The following RSPH9 variants were observed in gnomAD, a reference collection of about 807,000 sequenced individuals.
RSPH9 encodes radial spoke head component 9.
Under a neutral mutation model 27.0 loss-of-function variants are expected in RSPH9, and 27 were observed. The ratio of observed to expected loss-of-function variants is 1.00; its 90% CI spans 0.74 to 1.38. RSPH9 has a LOEUF of 1.38. Ranked by LOEUF, RSPH9 falls within the 40% of genes most tolerant of loss-of-function variation. RSPH9 has a pLI of 0.00. For synonymous variants in RSPH9, 145 were observed against 147.7 expected, an observed-to-expected ratio of 0.98 and a Z score of 0.13; for missense variants, 347 against 357.4, an observed-to-expected ratio of 0.97 and a Z score of 0.24.
Position 43,671,686 on chromosome 6 carries a change from G to C in RSPH9, c.*737G>C. The C allele has an allele frequency of 6.4e-7, 1 of 1,563,876 alleles. No individual in the cohort carries two copies. The highest frequency in any genetic ancestry group is 8.8e-7 in the Non-Finnish European group (1 of 1,137,560). On this transcript the variant is annotated 3_prime_UTR_variant, in exon 5 of 5. Transcript: ENST00000372163. ...GGTGGGGTGGGACAGGAGTATAGTT[G>C]TGGCCAAGGGCTTGTGAGTGGGCCT...
At chr6:43,664,026 C>T (rs569049024) in intron 4 of RSPH9, among the ~76,000 whole-genome samples, 42 of 127,554 alleles carry the variant, frequency 3.3e-4, no homozygotes, top group African/African-American at 1.0e-3. Flanking sequence ...GAGAATGTCT[C>T]GAAAAAAAAA....
intron 4 of RSPH9, among the ~76,000 whole-genome samples, chr6:43,670,417 C>T (rs1322918918): frequency 6.6e-6 from 1 of 152,080 alleles, no homozygotes; most frequent in Admixed American, 6.6e-5. Flanking sequence ...GCCTGGGCAA[C>T]ACAGTGAGGC....
chr6:43,656,036 CCCCTTCTTT>C (rs142138360), intron 3 of RSPH9, among the ~76,000 whole-genome samples: 4,103 of 101,462 alleles, frequency 0.04, 220 homozygotes, highest in African/African-American at 0.15. Flanking sequence ...TTCCTTCCTT[CCCCTTCTTT>C]CCCTTCTTTC....
intron 4 of RSPH9, 144 bp from the exon 5 acceptor site, chr6:43,670,645 A>C: frequency 1.5e-6 from 1 of 651,628 alleles, no homozygotes; most frequent in South Asian, 1.8e-5. Context: ...CAGGGAGTAA[A>C]GCATCTGGAG....
Position 43,654,504 on chromosome 6 carries a change from A to G in RSPH9, c.394-1058A>G, listed in dbSNP as rs138081402. Among the ~76,000 whole-genome samples the G allele has an allele frequency of 5.9e-3, 903 of 152,204 alleles. 10 individuals carry two copies. The highest frequency in any genetic ancestry group is 0.02 in the African/African-American group (842 of 41,524). On this transcript the variant is annotated intron_variant, in intron 2 of 4. Coordinates refer to ENST00000372163, the MANE Select transcript of RSPH9 (RefSeq NM_152732.5). ...GGAGTTGGAGATCAGCCTGGGCAAC[A>G]TGGAGAAACCCCATCTCTACCAAAA...
rs770367012 is a variant in RSPH9 at position 43,672,318 on chromosome 6, G to A, written c.*1369G>A. 1 of 462,546 alleles carries A rather than the reference G, an allele frequency of 2.2e-6. No homozygotes were observed. The highest frequency in any genetic ancestry group is 1.6e-5 in the South Asian group (1 of 63,946). 28.7% of individuals were successfully genotyped at this position (462,546 alleles called of 1,614,324 possible). On this transcript the variant is annotated 3_prime_UTR_variant, in exon 5 of 5. Coordinates refer to ENST00000372163, the MANE Select transcript of RSPH9 (RefSeq NM_152732.5). ...TGCTCTTCCCCATTTGGCTCACTCA[G>A]CTACCCCAACCTTCAGGGAACTCCC...
At chr6:43,665,346 G>T (rs1773036389) in intron 4 of RSPH9, among the ~76,000 whole-genome samples, 1 of 152,226 alleles carries the variant, frequency 6.6e-6, no homozygotes, top group Non-Finnish European at 1.5e-5. Flanking sequence ...CCTAAAGGCT[G>T]CTGGGGTTGG....
intron 1 of RSPH9, among the ~76,000 whole-genome samples, chr6:43,645,943 T>A (rs1178055822): frequency 6.6e-6 from 1 of 152,052 alleles, no homozygotes; most frequent in Admixed American, 6.6e-5. Flanking sequence ...TACAGGACCA[T>A]CCAGCTATTT....
intron 3 of RSPH9, among the ~76,000 whole-genome samples, chr6:43,655,988 A>ACTTCCTTCCTTCCTTCCTTCCTTCCTTC (rs70993404): frequency 7.0e-5 from 8 of 113,714 alleles, no homozygotes; most frequent in South Asian, 3.6e-4. Flanking sequence ...TCCTCCTTGG[A>ACTTCCTTCCTTCCTTCCTTCCTTCCTTC]CTTCCTTCCT....
intron 4 of RSPH9, among the ~76,000 whole-genome samples, chr6:43,665,973 G>A (rs1773096802): frequency 6.6e-6 from 1 of 152,024 alleles, no homozygotes. Context: ...CTACAGGTGT[G>A]GACCACCATG....
chr6:43,671,014 C>T lies in RSPH9; in HGVS notation c.*65C>T. ...CATGATTTTCTTAAGCTTCAGTGAA[C>T]TTGGCCTGCCTGTTCTGTCCTATCT... is the stretch of plus-strand genomic sequence containing the variant. On this transcript the variant is annotated 3_prime_UTR_variant, in exon 5 of 5. Transcript: ENST00000372163. 1 of 1,591,498 alleles carries T rather than the reference C, an allele frequency of 6.3e-7. No homozygotes were observed. Among genetic ancestry groups the T allele is most frequent in the African/African-American group, 1.3e-5 (1 of 74,644 alleles).
chr6:43,651,234 A>G (rs552474552), intron 2 of RSPH9, among the ~76,000 whole-genome samples: 1 of 152,246 alleles, frequency 6.6e-6, no homozygotes, highest in African/African-American at 2.4e-5. Context: ...AGAAGAGGAC[A>G]TTCTCCTACC....
At chr6:43,646,778 C>T (rs1172626584) in intron 1 of RSPH9, among the ~76,000 whole-genome samples, 3 of 150,736 alleles carry the variant, frequency 2.0e-5, no homozygotes, top group Admixed American at 6.6e-5. Flanking sequence ...CTGGCTAACG[C>T]GGTGAAACAC....
At chr6:43,661,652 C>A (rs1299203737) in intron 4 of RSPH9, among the ~76,000 whole-genome samples, 1 of 102,132 alleles carries the variant, frequency 9.8e-6, no homozygotes. Context: ...CAGAGCGAGA[C>A]TCTGTCTCAA....
At position 43,670,892 on chromosome 6, in the gene RSPH9, T is replaced by C. The variant is rs754145780; in HGVS notation, c.774T>C (p.Tyr258=). ...ACCATGCTCCCCGCACCAAGAACTA[T>C]GGCTACGTCTACGTGGGCACTGGCG... ...TFYHAPRTKN[Y]GYVYVGTGEK... is the part of the protein sequence containing the mutation. Residue 258 remains tyrosine, a synonymous_variant, in exon 5 of 5, where the codon TAT becomes TAC. Coordinates refer to ENST00000372163, the MANE Select transcript of RSPH9 (RefSeq NM_152732.5). The C allele has an allele frequency of 7.4e-6, 12 of 1,614,230 alleles. No homozygotes were observed. Among genetic ancestry groups the C allele is most frequent in the Non-Finnish European group, 1.0e-5 (12 of 1,180,028 alleles).
intron 3 of RSPH9, among the ~76,000 whole-genome samples, chr6:43,656,285 C>T (rs145802560): frequency 7.0e-4 from 106 of 152,228 alleles, no homozygotes; most frequent in Admixed American, 1.8e-3. Flanking sequence ...GGGGTTTTGC[C>T]ATGTTGGCCA....
chr6:43,648,540 G>A (rs1401052257), intron 1 of RSPH9, among the ~76,000 whole-genome samples: 1 of 152,210 alleles, frequency 6.6e-6, no homozygotes, highest in Admixed American at 6.5e-5. Context: ...GAGGTGAGGA[G>A]TAGGAAACAA....
chr6:43,663,687 ACAT>A (rs1417359702), intron 4 of RSPH9, among the ~76,000 whole-genome samples: 1 of 152,150 alleles, frequency 6.6e-6, no homozygotes, highest in African/African-American at 2.4e-5. Context: ...TATCATAGTA[ACAT>A]CAAAGATCAC....
chr6:43,647,917 A>G (rs1288919808), intron 1 of RSPH9, among the ~76,000 whole-genome samples: 1 of 152,220 alleles, frequency 6.6e-6, no homozygotes, highest in Admixed American at 6.5e-5. Flanking sequence ...AAGATAGACA[A>G]CAGCTGAACA....
Sources: gnomAD v4.1 joint callset for allele counts (sites outside exome capture counted in the v4.1 genomes callset) on GRCh38, gnomAD v4.1.1 for gene constraint, MANE v1.5 for transcripts, NCBI Gene and HGNC (gene_info 2026-07-23, HGNC 2026-07-21) for gene names.